GHR: variants seen among roughly 807,000 people sequenced by gnomAD.
GHR encodes growth hormone receptor.
A neutral mutation model predicts 67.1 loss-of-function variants in GHR; 35 were observed. That is an observed-to-expected ratio of 0.52 (90% CI 0.40 to 0.69). The LOEUF (loss-of-function observed/expected upper bound fraction) is 0.69. Ranked by LOEUF, GHR falls within the 30% of genes least tolerant of loss-of-function variation. GHR has a pLI of 0.00. For missense variants in GHR, 792 were observed against 764.6 expected (o/e 1.04, Z -0.42); for synonymous variants, 272 against 269.1 (o/e 1.01, Z -0.10).
At chr5:42,547,149 C>T (rs1396803059) in intron 1 of GHR, among the ~76,000 whole-genome samples, 1 of 152,164 alleles carries the variant, frequency 6.6e-6, no homozygotes, top group Non-Finnish European at 1.5e-5. Flanking sequence ...GAATTTTCCC[C>T]TCTAAGTGTT....
chr5:42,497,435 T>C (rs1467736872), intron 1 of GHR, among the ~76,000 whole-genome samples: 1 of 152,212 alleles, frequency 6.6e-6, no homozygotes, highest in African/African-American at 2.4e-5. Context: ...CAATGATTAT[T>C]GGTGACAGTA....
chr5:42,434,466 C>A (rs990174783), intron 1 of GHR, among the ~76,000 whole-genome samples: 1 of 151,768 alleles, frequency 6.6e-6, no homozygotes, highest in Non-Finnish European at 1.5e-5. Flanking sequence ...TATTGAAATA[C>A]TTGAGTCTCA....
At chr5:42,490,761 A>G (rs1361166865) in intron 1 of GHR, among the ~76,000 whole-genome samples, 1 of 152,240 alleles carries the variant, frequency 6.6e-6, no homozygotes, top group Non-Finnish European at 1.5e-5. Flanking sequence ...GTGCTGAAGT[A>G]TAACTGTGGA....
chr5:42,563,667 G>A (rs1470392049), intron 1 of GHR, among the ~76,000 whole-genome samples: 1 of 149,968 alleles, frequency 6.7e-6, no homozygotes, highest in South Asian at 2.1e-4. Context: ...AATTAGCTGG[G>A]CATGGTGGTG....
chr5:42,650,111 G>C (rs895473197), intron 3 of GHR, among the ~76,000 whole-genome samples: 6 of 152,054 alleles, frequency 3.9e-5, no homozygotes, highest in Admixed American at 6.6e-5. Flanking sequence ...GACGGGAACT[G>C]TCAAGAAAGA....
intron 1 of GHR, among the ~76,000 whole-genome samples, chr5:42,476,277 G>C (rs1745312980): frequency 6.6e-6 from 1 of 151,132 alleles, no homozygotes; most frequent in Non-Finnish European, 1.5e-5. Flanking sequence ...CTGGAGTGCA[G>C]TGGCACAATC....
At chr5:42,702,263 T>A (rs1017513538) in intron 6 of GHR, among the ~76,000 whole-genome samples, 2 of 152,100 alleles carry the variant, frequency 1.3e-5, no homozygotes, top group Non-Finnish European at 2.9e-5. Flanking sequence ...GAGTTCAACT[T>A]TTTTAGATTC....
chr5:42,447,190 G>A (rs953693710), intron 1 of GHR, among the ~76,000 whole-genome samples: 1 of 151,832 alleles, frequency 6.6e-6, no homozygotes, highest in Admixed American at 6.6e-5. Context: ...GGTGGTTTTT[G>A]GTTCCACGAA....
chr5:42,505,665 T>G (rs1227926758), intron 1 of GHR, among the ~76,000 whole-genome samples: 1 of 152,176 alleles, frequency 6.6e-6, no homozygotes, highest in Non-Finnish European at 1.5e-5. Flanking sequence ...TTATCCTGTG[T>G]GGGCCTCAGC....
chr5:42,507,212 G>A (rs1157168740), intron 1 of GHR, among the ~76,000 whole-genome samples: 2 of 152,174 alleles, frequency 1.3e-5, no homozygotes, highest in Non-Finnish European at 2.9e-5. Flanking sequence ...CAGTTTCAGG[G>A]TCATAGTTAA....
chr5:42,447,240 C>A (rs971100271), intron 1 of GHR, among the ~76,000 whole-genome samples: 4 of 152,074 alleles, frequency 2.6e-5, no homozygotes, highest in African/African-American at 9.7e-5. Flanking sequence ...GTGGTGCACC[C>A]ATCACCCAAG....
rs573181046 is a variant in GHR, at chr5:42,637,874, C to T, written c.136+8771C>T. On this transcript the variant is annotated intron_variant, in intron 3 of 9. Transcript: ENST00000230882. ...TTCTGTTTTAATTTCCTTGAGAAAT[C>T]TCCACACTGTTTTCCACAGTGGCTG... 1.2e-4 allele frequency among the ~76,000 whole-genome samples: 19 copies of T among 152,314 alleles called. No homozygotes were observed. In the East Asian group the frequency reaches 3.5e-3, roughly 28 times the overall value.
chr5:42,482,711 A>G (rs563910666), intron 1 of GHR, among the ~76,000 whole-genome samples: 17 of 152,268 alleles, frequency 1.1e-4, no homozygotes, highest in African/African-American at 3.8e-4. Flanking sequence ...CTGGTGTGCC[A>G]TTTTTTAAGC....
chr5:42,531,670 T>C (rs1189218251), intron 1 of GHR, among the ~76,000 whole-genome samples: 1 of 152,210 alleles, frequency 6.6e-6, no homozygotes, highest in African/African-American at 2.4e-5. Context: ...TATTATTATT[T>C]TGATGTTTCT....
intron 1 of GHR, among the ~76,000 whole-genome samples, chr5:42,551,078 G>A (rs560812923): frequency 3.9e-5 from 6 of 152,218 alleles, no homozygotes; most frequent in East Asian, 3.9e-4. Context: ...ATCCCCTCCC[G>A]CACGCATACA....
chr5:42,647,329 C>T (rs1754787192), intron 3 of GHR, among the ~76,000 whole-genome samples: 1 of 151,986 alleles, frequency 6.6e-6, no homozygotes, highest in Non-Finnish European at 1.5e-5. Context: ...AATCCCAGCA[C>T]TTTGGGAGGC....
intron 1 of GHR, among the ~76,000 whole-genome samples, chr5:42,495,216 C>A (rs796430438): frequency 5.3e-5 from 8 of 152,024 alleles, no homozygotes; most frequent in African/African-American, 1.9e-4. Context: ...GCCCACACCA[C>A]ATTCAGGCCA....
chr5:42,606,309 T>C (rs1752627303), intron 2 of GHR, among the ~76,000 whole-genome samples: 2 of 152,142 alleles, frequency 1.3e-5, no homozygotes, highest in African/African-American at 2.4e-5. Context: ...GTCCACTTAG[T>C]AATGCTATAA....
chr5:42,451,987 T>G (rs1003154583), intron 1 of GHR, among the ~76,000 whole-genome samples: 1 of 152,230 alleles, frequency 6.6e-6, no homozygotes, highest in African/African-American at 2.4e-5. Flanking sequence ...ATGTTATTGC[T>G]TTATAGGCCC....
Sources: allele counts gnomAD v4.1 joint callset (sites outside exome capture counted in the v4.1 genomes callset), GRCh38; gene constraint gnomAD v4.1.1; transcripts MANE v1.5; gene names NCBI Gene and HGNC (gene_info 2026-07-23, HGNC 2026-07-21).